The following CTNNA1 variants were observed in gnomAD, a reference collection of about 807,000 sequenced individuals.
The protein encoded by CTNNA1 is catenin alpha-1.
In CTNNA1, 37 loss-of-function variants were observed where a neutral mutation model predicts 98.4. The ratio of observed to expected loss-of-function variants is 0.38; its 90% CI spans 0.29 to 0.49. The LOEUF (loss-of-function observed/expected upper bound fraction) is 0.49, where lower values mean the gene tolerates loss of function less well. Among genes scored for constraint, CTNNA1 ranks in the 20% least tolerant of loss-of-function variants. The pLI, the probability that CTNNA1 is intolerant of heterozygous loss-of-function variation, is 0.95. For synonymous variants in CTNNA1, 404 were observed against 413.2 expected (o/e 0.98, Z 0.27); for missense variants, 761 against 1,147.2 (o/e 0.66, Z 4.86).
At chr5:138,871,754 G>C (rs1218446039) in intron 7 of CTNNA1, 2 of 152,268 alleles carry the variant, frequency 1.3e-5, no homozygotes, top group Admixed American at 6.5e-5. Context: ...ATTCATCTCA[G>C]TGGTGCTGTT....
intron 7 of CTNNA1, among the ~76,000 whole-genome samples, chr5:138,861,001 G>A (rs532486921): frequency 6.6e-5 from 10 of 152,122 alleles, no homozygotes; most frequent in African/African-American, 1.9e-4. Flanking sequence ...GAGAGGTAGC[G>A]CTGTCAAGGC....
chr5:138,875,553 G>C, intron 7 of CTNNA1: 1 of 985,494 alleles, frequency 1.0e-6, no homozygotes, highest in Non-Finnish European at 1.2e-6. Flanking sequence ...GGAAGCAGCA[G>C]TGAGGTTGTA....
At chr5:138,927,714 G>A (rs976990755) in intron 13 of CTNNA1, among the ~76,000 whole-genome samples, 1 of 79,356 alleles carries the variant, frequency 1.3e-5, no homozygotes, top group East Asian at 2.2e-4. Flanking sequence ...GAGAGATAAT[G>A]AATGAATGAA....
chr5:138,753,549 G>T, intron 1 of CTNNA1, 39 bp downstream of exon 1: 1 of 373,484 alleles, frequency 2.7e-6, no homozygotes, highest in South Asian at 1.3e-4. Flanking sequence ...GCGGTCTCTC[G>T]GGCCAGGCCG....
chr5:138,810,324 C>G (rs1044019057), intron 4 of CTNNA1, 120 bp downstream of exon 4: 1 of 1,047,424 alleles, frequency 9.5e-7, no homozygotes, highest in African/African-American at 1.6e-5. Flanking sequence ...TCTCAATGGA[C>G]CAGAGATGTT....
At chr5:138,930,969 C>G in intron 16 of CTNNA1, 34 bp downstream of exon 16, 2 of 1,431,224 alleles carry the variant, frequency 1.4e-6, no homozygotes, top group South Asian at 1.1e-5. Context: ...GGTCTCCAAG[C>G]TCCTCCTGGG....
intron 7 of CTNNA1, among the ~76,000 whole-genome samples, chr5:138,852,860 C>T (rs183748554): frequency 0.017 from 585 of 34,176 alleles, 2 homozygotes; most frequent in African/African-American, 0.052. Flanking sequence ...TCCCTCTTTT[C>T]GCGCGCGCGC....
intron 5 of CTNNA1, among the ~76,000 whole-genome samples, chr5:138,819,514 GT>G (rs1243517514): frequency 2.6e-5 from 4 of 152,162 alleles, no homozygotes; most frequent in Admixed American, 2.0e-4. Context: ...TGCTCAGCTG[GT>G]TTAGGGCACC....
chr5:138,871,211 G>A (rs1436503736), intron 7 of CTNNA1: 1 of 152,208 alleles, frequency 6.6e-6, no homozygotes, highest in Non-Finnish European at 1.5e-5. Context: ...TGATGTTGAT[G>A]TTGGGGAAAA....
chr5:138,881,029 G>A (rs1394176006), intron 7 of CTNNA1: 1 of 456,112 alleles, frequency 2.2e-6, no homozygotes, highest in Admixed American at 2.3e-5. Context: ...TTCTTACTCT[G>A]TACGGTTTAT....
chr5:138,920,152 G>C (rs906082432), intron 11 of CTNNA1, among the ~76,000 whole-genome samples: 2 of 151,718 alleles, frequency 1.3e-5, no homozygotes, highest in African/African-American at 4.8e-5. Flanking sequence ...CTAATTTTTT[G>C]TATTTTTAGG....
intron 16 of CTNNA1, chr5:138,931,984 G>T: frequency 4.1e-6 from 4 of 985,494 alleles, no homozygotes; most frequent in Non-Finnish European, 4.8e-6. Context: ...TGTGGAGCGA[G>T]ACAGGAACTG....
intron 1 of CTNNA1, among the ~76,000 whole-genome samples, chr5:138,760,943 A>G (rs1436078174): frequency 6.6e-6 from 1 of 152,186 alleles, no homozygotes; most frequent in East Asian, 1.9e-4. Flanking sequence ...GGTTGGATAT[A>G]TAATAAGTTC....
intron 7 of CTNNA1, among the ~76,000 whole-genome samples, chr5:138,862,775 A>G (rs1764406313): frequency 6.6e-6 from 1 of 152,208 alleles, no homozygotes; most frequent in Non-Finnish European, 1.5e-5. Flanking sequence ...CTAGCTAATT[A>G]TCAGTTCTCA....
chr5:138,889,142 A>G (rs952590894), intron 9 of CTNNA1, among the ~76,000 whole-genome samples: 3 of 152,200 alleles, frequency 2.0e-5, no homozygotes, highest in African/African-American at 7.2e-5. Context: ...TCTTGTAAGT[A>G]GCATACATAT....
At chr5:138,791,787 CT>C (rs1168548486) in intron 3 of CTNNA1, among the ~76,000 whole-genome samples, 65 of 92,256 alleles carry the variant, frequency 7.0e-4, no homozygotes, top group South Asian at 1.5e-3. Context: ...GTTTTCTCAG[CT>C]TTTTTTTTTT....
intron 15 of CTNNA1, 80 bp downstream of exon 15, chr5:138,930,734 G>A: frequency 1.9e-6 from 3 of 1,555,524 alleles, no homozygotes; most frequent in Non-Finnish European, 2.7e-6. Context: ...GGCTCAGACA[G>A]CCCAGGCCAT....
chr5:138,827,434 A>G lies in CTNNA1; in HGVS notation c.859-81A>G, dbSNP rs1480061948. 3 of 1,477,826 alleles carry G rather than the reference A, an allele frequency of 2.0e-6. No homozygotes were observed. The African/African-American group carries it at 4.2e-5, about 21-fold the overall frequency. 91.5% of individuals were successfully genotyped at this position (1,477,826 alleles called of 1,614,324 possible). A position where few individuals can be genotyped will look rare whatever the true frequency, so the allele number is the denominator to read the frequency against. ...TGGAATTTTTGTGTTAAATCTTGATATTACTAATAACACTTTTCTCACCTT... is the reference window on the plus strand; with the variant it reads ...TGGAATTTTTGTGTTAAATCTTGATGTTACTAATAACACTTTTCTCACCTT... On this transcript the variant is annotated intron_variant, in intron 6 of 17. Transcript: ENST00000302763.
intron 9 of CTNNA1, among the ~76,000 whole-genome samples, chr5:138,889,809 A>G (rs1754953961): frequency 6.6e-6 from 1 of 152,194 alleles, no homozygotes; most frequent in African/African-American, 2.4e-5. Flanking sequence ...GCAAACAGTT[A>G]AATTACATTT....
Sources: gnomAD v4.1 joint callset for allele counts (sites outside exome capture counted in the v4.1 genomes callset) on GRCh38, gnomAD v4.1.1 for gene constraint, MANE v1.5 for transcripts, NCBI Gene and HGNC (gene_info 2026-07-23, HGNC 2026-07-21) for gene names.